The following HFM1 variants were observed in gnomAD, a reference collection of about 807,000 sequenced individuals.
HFM1 encodes helicase for meiosis 1.
A neutral mutation model predicts 192.1 loss-of-function variants in HFM1; 169 were observed. That is an observed-to-expected ratio of 0.88 (90% confidence interval 0.78 to 1.00). The LOEUF (loss-of-function observed/expected upper bound fraction) is 1.00, where lower values mean the gene tolerates loss of function less well. Ranked by LOEUF, HFM1 falls within the 50% of genes least tolerant of loss-of-function variation. HFM1 has a pLI of 0.00. For missense variants in HFM1, 1,661 were observed against 1,668.0 expected, an observed-to-expected ratio of 1.00 and a Z score of 0.07; for synonymous variants, 525 against 537.8, an observed-to-expected ratio of 0.98 and a Z score of 0.33.
chr1:91,320,022 A>G (rs762950895), intron 23 of HFM1, among the ~76,000 whole-genome samples: 15 of 152,168 alleles, frequency 9.9e-5, no homozygotes, highest in Non-Finnish European at 1.6e-4. Flanking sequence ...TGCCTAGTAT[A>G]TCCCGGGTTC....
intron 30 of HFM1, among the ~76,000 whole-genome samples, chr1:91,285,159 C>G (rs558401909): frequency 3.3e-5 from 5 of 152,188 alleles, no homozygotes; most frequent in Admixed American, 3.3e-4. Context: ...AACTGTGAGC[C>G]CATCGAACCT....
chr1:91,306,725 T>C (rs1457304835), intron 30 of HFM1, among the ~76,000 whole-genome samples: 4 of 152,150 alleles, frequency 2.6e-5, no homozygotes, highest in Non-Finnish European at 5.9e-5. Context: ...AAATATTCTC[T>C]TTTTTTCTAT....
intron 30 of HFM1, among the ~76,000 whole-genome samples, chr1:91,277,868 T>C (rs1285659041): frequency 8.6e-6 from 1 of 116,874 alleles, no homozygotes; most frequent in Non-Finnish European, 1.7e-5. Context: ...ATACTTTATA[T>C]ATATAATATA....
In HFM1 at chr1:91,394,114, C is replaced by G. The variant is rs1040920656; in HGVS notation, c.473G>C (p.Ser158Thr). ...LVNFAEDKGE[S>T]TSVFRKRLFK... is the part of the protein sequence containing the mutation. ...TTACCTTTTCCGGAATACTGATGTGCTCTCTCCTTTATCTTCTGCAAAATT... is the reference window on the plus strand; with the variant it reads ...TTACCTTTTCCGGAATACTGATGTGGTCTCTCCTTTATCTTCTGCAAAATT... The change falls in exon 4 of 39, where the codon AGC (serine) becomes ACC (threonine). Residue 158 changes from serine to threonine, a missense_variant. Ser to Thr is a moderately conservative substitution (Grantham distance 58). Coordinates refer to ENST00000370425, the MANE Select transcript of HFM1 (RefSeq NM_001017975.6). 6.3e-7 allele frequency: 1 copy of G among 1,582,552 alleles called. No individual in the cohort carries two copies. The highest frequency in any genetic ancestry group is 1.1e-5 in the South Asian group (1 of 86,994).
intron 17 of HFM1, 57 bp downstream of exon 17, chr1:91,351,492 G>A: frequency 1.1e-6 from 1 of 886,266 alleles, no homozygotes; most frequent in Non-Finnish European, 1.8e-6. Context: ...ATTTTAAAAG[G>A]AAATAAAATA....
rs1251383139 is a variant in HFM1 at position 91,385,531 on chromosome 1, T to G, written c.754+44A>C. On this transcript the variant is annotated intron_variant, in intron 5 of 38. Coordinates refer to ENST00000370425, the MANE Select transcript of HFM1 (RefSeq NM_001017975.6). ...TTTTCCCCCATGCTAAGAAATGTGG[T>G]TTAGTCTGTACTCATAAAATGAACT... The G allele has an allele frequency of 5.4e-6, 8 of 1,488,686 alleles. No homozygotes were observed. The East Asian group carries it at 1.8e-4, about 34-fold the overall frequency. The allele number at this position is 1,488,686 out of a possible 1,614,324, so 92.2% of individuals were successfully genotyped here. A position where few individuals can be genotyped will look rare whatever the true frequency, so the allele number is the denominator to read the frequency against.
chr1:91,271,831 G>C (rs1241176527), intron 34 of HFM1, among the ~76,000 whole-genome samples: 1 of 152,102 alleles, frequency 6.6e-6, no homozygotes, highest in Non-Finnish European at 1.5e-5. Flanking sequence ...AAATGGCATT[G>C]GGCTGGGAAT....
chr1:91,312,818 T>C (rs1414315673), intron 30 of HFM1, among the ~76,000 whole-genome samples: 1 of 152,086 alleles, frequency 6.6e-6, no homozygotes, highest in Non-Finnish European at 1.5e-5. Context: ...GAATTGTATC[T>C]CCCAGAATTC....
At chr1:91,348,206 A>C (rs1188684366) in intron 18 of HFM1, among the ~76,000 whole-genome samples, 2 of 152,200 alleles carry the variant, frequency 1.3e-5, no homozygotes, top group Non-Finnish European at 2.9e-5. Context: ...TGATATCTCA[A>C]TACAAAAAAG....
intron 20 of HFM1, among the ~76,000 whole-genome samples, chr1:91,327,164 A>G (rs1653042188): frequency 6.6e-6 from 1 of 152,220 alleles, no homozygotes; most frequent in Non-Finnish European, 1.5e-5. Flanking sequence ...GGCAGGAGTA[A>G]GTTCCTACTT....
intron 11 of HFM1, chr1:91,377,745 G>A: frequency 5.0e-6 from 2 of 399,844 alleles, no homozygotes; most frequent in South Asian, 3.2e-5. Context: ...CATATTGTTA[G>A]TGAAGTTACT....
intron 4 of HFM1, among the ~76,000 whole-genome samples, chr1:91,389,490 C>T (rs1332894267): frequency 6.6e-6 from 1 of 151,978 alleles, no homozygotes; most frequent in Non-Finnish European, 1.5e-5. Context: ...AGGGTACCTC[C>T]CCATGATGGA....
intron 30 of HFM1, among the ~76,000 whole-genome samples, chr1:91,293,089 C>T (rs1557795550): frequency 6.6e-6 from 1 of 152,160 alleles, no homozygotes. Context: ...AGACCTAAAA[C>T]CATAAAAACC....
chr1:91,330,927 G>A (rs529909502), intron 20 of HFM1, among the ~76,000 whole-genome samples: 10 of 152,256 alleles, frequency 6.6e-5, no homozygotes, highest in Non-Finnish European at 1.3e-4. Flanking sequence ...AAAAGCATTC[G>A]ATAAAATTCA....
chr1:91,344,564 C>T (rs949458071), intron 19 of HFM1, among the ~76,000 whole-genome samples: 1 of 151,980 alleles, frequency 6.6e-6, no homozygotes, highest in Non-Finnish European at 1.5e-5. Context: ...CTCTTTAGAA[C>T]TTATATTTTA....
chr1:91,376,692 A>G (rs180777732), intron 11 of HFM1, among the ~76,000 whole-genome samples: 2 of 152,044 alleles, frequency 1.3e-5, no homozygotes, highest in Admixed American at 6.6e-5. Context: ...AGTAGAAATC[A>G]AAGAAGTAAA....
intron 20 of HFM1, chr1:91,338,958 G>A (rs1274629811): frequency 4.4e-6 from 2 of 455,722 alleles, no homozygotes; most frequent in Non-Finnish European, 8.8e-6. Flanking sequence ...ACTTAACCTC[G>A]AGGGGCCAGC....
intron 20 of HFM1, among the ~76,000 whole-genome samples, chr1:91,336,290 T>C (rs146289324): frequency 4.1e-5 from 6 of 147,412 alleles, no homozygotes; most frequent in African/African-American, 1.5e-4. Flanking sequence ...ATAAGTTGTC[T>C]AAAAACATCC....
intron 30 of HFM1, among the ~76,000 whole-genome samples, chr1:91,308,784 C>T (rs530744563): frequency 6.6e-6 from 1 of 152,284 alleles, no homozygotes; most frequent in African/African-American, 2.4e-5. Context: ...ATGACAGACA[C>T]TGTGTCTGTG....
Sources: gnomAD v4.1 joint callset for allele counts (sites outside exome capture counted in the v4.1 genomes callset) on GRCh38, gnomAD v4.1.1 for gene constraint, MANE v1.5 for transcripts, NCBI Gene and HGNC (gene_info 2026-07-23, HGNC 2026-07-21) for gene names.